CD84: variants seen among roughly 807,000 people sequenced by gnomAD.
The protein encoded by CD84 is CD84 molecule.
A neutral mutation model predicts 33.8 loss-of-function variants in CD84; 22 were observed. The observed-to-expected ratio is 0.65, with a 90% confidence interval of 0.46 to 0.93. The LOEUF is 0.93. Ranked by LOEUF, CD84 falls within the 40% of genes least tolerant of loss-of-function variation. CD84 has a pLI of 0.00. For missense variants in CD84, 400 were observed against 397.6 expected (o/e 1.01, Z -0.05); for synonymous variants, 154 against 145.2 (o/e 1.06, Z -0.44).
intron 4 of CD84, chr1:160,553,018 A>G: frequency 3.5e-6 from 2 of 565,118 alleles, no homozygotes; most frequent in South Asian, 2.1e-5. Flanking sequence ...TCAAAATACA[A>G]TGAAATTGGA....
Position 160,549,952 on chromosome 1 carries a change from T to C in CD84, c.886A>G (p.Asn296Asp), listed in dbSNP as rs879833119. The change falls in exon 6 of 7, where the codon AAC becomes GAC. Residue 296 changes from asparagine to aspartate, a missense_variant. Transcript: ENST00000368054. ...AACTGCACTTCGGAATAAACTGTGT[T>C]CACTGGCTCTTCCTTGGAGGGAAGC... ...KVLPSKEEPV[N>D]TVYSEVQFAD... 5.4e-5 allele frequency: 87 copies of C among 1,613,014 alleles called. No individual in the cohort carries two copies. Among genetic ancestry groups the C allele is most frequent in the Non-Finnish European group, 6.9e-5 (81 of 1,179,158 alleles).
intron 1 of CD84, among the ~76,000 whole-genome samples, chr1:160,579,160 C>T (rs576617951): frequency 6.6e-6 from 1 of 152,190 alleles, no homozygotes; most frequent in African/African-American, 2.4e-5. Context: ...CTGAGATCTC[C>T]AGATCTCAGA....
chr1:160,559,699 T>A (rs538312709), intron 2 of CD84, among the ~76,000 whole-genome samples: 3 of 152,104 alleles, frequency 2.0e-5, no homozygotes, highest in African/African-American at 7.2e-5. Context: ...CAAACTGGTA[T>A]GCTGAGACCC....
intron 2 of CD84, among the ~76,000 whole-genome samples, chr1:160,559,527 A>T (rs1451918676): frequency 1.3e-5 from 2 of 152,204 alleles, no homozygotes; most frequent in Non-Finnish European, 2.9e-5. Context: ...CTACAAAAAC[A>T]CACTGAAGTA....
intron 2 of CD84, among the ~76,000 whole-genome samples, chr1:160,564,547 G>C (rs957203385): frequency 1.3e-5 from 2 of 152,208 alleles, no homozygotes; most frequent in Admixed American, 1.3e-4. Context: ...AAACAACCTA[G>C]TGCATCCATA....
chr1:160,557,508 G>A (rs187032197), intron 2 of CD84, among the ~76,000 whole-genome samples: 1 of 152,260 alleles, frequency 6.6e-6, no homozygotes, highest in African/African-American at 2.4e-5. Context: ...GTCACAACAT[G>A]GATTACCCAC....
chr1:160,565,929 T>G (rs1398694824), intron 1 of CD84, among the ~76,000 whole-genome samples, 184 bp from the exon 2 acceptor site: 1 of 152,032 alleles, frequency 6.6e-6, no homozygotes, highest in Non-Finnish European at 1.5e-5. Flanking sequence ...GACAACTAAA[T>G]TTTCTAACGC....
Position 160,548,148 on chromosome 1 carries a change from G to C in CD84, c.*108C>G. 1 of 1,186,734 alleles carries C rather than the reference G, an allele frequency of 8.4e-7. No homozygotes were observed. 73.5% of individuals were successfully genotyped at this position (1,186,734 alleles called of 1,614,324 possible). Reference sequence around the variant, plus strand: ...TTTGCTTACAGGCTGAGATGTGGCAGTTTGCAATCTCCCAGTAAGAGTTGG... The same window carrying C: ...TTTGCTTACAGGCTGAGATGTGGCACTTTGCAATCTCCCAGTAAGAGTTGG... On this transcript the variant is annotated 3_prime_UTR_variant, in exon 7 of 7. Transcript: ENST00000368054.
chr1:160,562,640 C>T (rs1406338180), intron 2 of CD84, among the ~76,000 whole-genome samples: 1 of 152,094 alleles, frequency 6.6e-6, no homozygotes, highest in Non-Finnish European at 1.5e-5. Context: ...CTGGGCAATA[C>T]CATTCAGGAC....
At chr1:160,553,559 G>C in intron 3 of CD84, 62 bp from the exon 4 acceptor site, 2 of 1,592,582 alleles carry the variant, frequency 1.3e-6, no homozygotes, top group South Asian at 2.2e-5. Context: ...GGCTGGGCAG[G>C]TTTGCCCACA....
intron 2 of CD84, among the ~76,000 whole-genome samples, chr1:160,555,853 TA>T (rs2102148695): frequency 6.6e-6 from 1 of 152,276 alleles, no homozygotes; most frequent in South Asian, 2.1e-4. Flanking sequence ...ACATGAACAG[TA>T]AGAAGCTGTA....
chr1:160,572,529 T>C (rs1657752320), intron 1 of CD84, among the ~76,000 whole-genome samples: 1 of 151,902 alleles, frequency 6.6e-6, no homozygotes, highest in South Asian at 2.1e-4. Context: ...GCACAATGCC[T>C]GGCACATATA....
chr1:160,568,353 G>A (rs1019403540), intron 1 of CD84, among the ~76,000 whole-genome samples: 2 of 152,074 alleles, frequency 1.3e-5, no homozygotes, highest in Non-Finnish European at 2.9e-5. Flanking sequence ...GGCAGTGGGG[G>A]TGGTGGGTAG....
Position 160,550,970 on chromosome 1 carries a change from A to T in CD84, c.826T>A (p.Ser276Thr). The change falls in exon 5 of 7, where the codon TCC becomes ACC. Residue 276 changes from serine (S) to threonine (T), a missense_variant. Physicochemically the swap from Ser to Thr is moderately conservative, Grantham distance 58. Coordinates refer to ENST00000368054, the MANE Select transcript of CD84 (RefSeq NM_003874.4). ...TGCAGGATTTCATCATAGATTCTGG[A>T]CTCTGCTGGCTGGGTGTTCCTTGAA... Reference protein sequence around the residue: ...MASRNTQPAESRIYDEILQSK... With the variant: ...MASRNTQPAETRIYDEILQSK... 5 of 1,613,862 alleles carry T rather than the reference A, an allele frequency of 3.1e-6. No individual in the cohort carries two copies. The highest frequency in any genetic ancestry group is 3.4e-6 in the Non-Finnish European group (4 of 1,179,928).
chr1:160,577,243 C>T (rs1226046017), intron 1 of CD84, among the ~76,000 whole-genome samples: 1 of 152,194 alleles, frequency 6.6e-6, no homozygotes, highest in Non-Finnish European at 1.5e-5. Context: ...CACTGCTTCT[C>T]AGCCTCTTCA....
chr1:160,571,638 T>C (rs538873767), intron 1 of CD84, among the ~76,000 whole-genome samples: 98 of 152,196 alleles, frequency 6.4e-4, no homozygotes, highest in African/African-American at 2.1e-3. Context: ...AACTAATTTA[T>C]TTTTGTTTTA....
intron 2 of CD84, among the ~76,000 whole-genome samples, chr1:160,558,570 A>G (rs1656756133): frequency 6.6e-6 from 1 of 152,238 alleles, no homozygotes; most frequent in Admixed American, 6.5e-5. Context: ...AAAAGCCAGG[A>G]TGCCTCTTCT....
chr1:160,574,171 A>G (rs1473149400), intron 1 of CD84, among the ~76,000 whole-genome samples: 3 of 151,916 alleles, frequency 2.0e-5, no homozygotes, highest in African/African-American at 7.3e-5. Flanking sequence ...CTTTTCCAAC[A>G]ATAGAAAAAC....
chr1:160,569,526 A>G (rs1000319937), intron 1 of CD84, among the ~76,000 whole-genome samples: 2 of 122,902 alleles, frequency 1.6e-5, no homozygotes, highest in African/African-American at 7.2e-5. Flanking sequence ...ATACACACAC[A>G]CACACACACA....
Sources: gnomAD v4.1 joint callset for allele counts (sites outside exome capture counted in the v4.1 genomes callset) on GRCh38, gnomAD v4.1.1 for gene constraint, MANE v1.5 for transcripts, NCBI Gene and HGNC (gene_info 2026-07-23, HGNC 2026-07-21) for gene names.